The following ASIC2 variants were observed in gnomAD, a reference collection of about 807,000 sequenced individuals.
ASIC2 encodes acid-sensing ion channel 2.
Under a neutral mutation model 57.3 loss-of-function variants are expected in ASIC2, and 25 were observed. The observed-to-expected ratio is 0.44, with a 90% CI of 0.32 to 0.61. The LOEUF (loss-of-function observed/expected upper bound fraction) is 0.61. Among genes scored for constraint, ASIC2 ranks in the 20% least tolerant of loss-of-function variants. The pLI, the probability that ASIC2 is intolerant of heterozygous loss-of-function variation, is 0.06. For missense variants in ASIC2, 641 were observed against 738.1 expected (o/e 0.87, Z 1.52); for synonymous variants, 319 against 307.5 (o/e 1.04, Z -0.39).
At chr17:33,507,492 A>G (rs746193620) in intron 1 of ASIC2, among the ~76,000 whole-genome samples, 2 of 152,250 alleles carry the variant, frequency 1.3e-5, no homozygotes, top group Non-Finnish European at 2.9e-5. Flanking sequence ...AAGGATCAGC[A>G]AACGATTTCT....
intron 1 of ASIC2, among the ~76,000 whole-genome samples, chr17:33,461,015 A>G (rs557574567): frequency 1.1e-4 from 17 of 152,304 alleles, no homozygotes; most frequent in Admixed American, 2.6e-4. Context: ...CCAGATGATA[A>G]TAGTCTGTTG....
At chr17:33,415,218 C>T (rs1267176500) in intron 1 of ASIC2, among the ~76,000 whole-genome samples, 1 of 152,200 alleles carries the variant, frequency 6.6e-6, no homozygotes, top group Non-Finnish European at 1.5e-5. Flanking sequence ...TTGGAATCTA[C>T]ACAGTATTGG....
intron 1 of ASIC2, among the ~76,000 whole-genome samples, chr17:33,921,398 G>T (rs950672535): frequency 1.6e-4 from 25 of 152,182 alleles, no homozygotes; most frequent in African/African-American, 5.8e-4. Flanking sequence ...TGTAATCATT[G>T]TTTTTAGTAG....
chr17:33,555,246 C>T (rs1379361873), intron 1 of ASIC2, among the ~76,000 whole-genome samples: 1 of 152,118 alleles, frequency 6.6e-6, no homozygotes, highest in East Asian at 1.9e-4. Context: ...GCTTTTGGTC[C>T]GCTGCTGATT....
intron 3 of ASIC2, among the ~76,000 whole-genome samples, chr17:33,035,034 A>G (rs1020581124): frequency 3.9e-5 from 6 of 151,970 alleles, no homozygotes; most frequent in Non-Finnish European, 8.8e-5. Flanking sequence ...CTCTTTATGT[A>G]TTATTTTAAT....
intron 1 of ASIC2, among the ~76,000 whole-genome samples, chr17:33,354,052 G>C (rs1259576435): frequency 6.6e-6 from 1 of 152,156 alleles, no homozygotes; most frequent in African/African-American, 2.4e-5. Flanking sequence ...GCGGGCAAGA[G>C]GGCATATGCA....
At chr17:34,036,066 T>C (rs574068305) in intron 1 of ASIC2, among the ~76,000 whole-genome samples, 1 of 152,104 alleles carries the variant, frequency 6.6e-6, no homozygotes, top group East Asian at 1.9e-4. Flanking sequence ...TAAAGACACA[T>C]GCACACATAT....
At chr17:33,393,701 G>T (rs1909979966) in intron 1 of ASIC2, among the ~76,000 whole-genome samples, 1 of 152,192 alleles carries the variant, frequency 6.6e-6, no homozygotes, top group African/African-American at 2.4e-5. Context: ...GGTGATCTAA[G>T]TTATGGCATC....
chr17:33,108,812 A>G (rs2092245489), intron 2 of ASIC2, among the ~76,000 whole-genome samples: 1 of 152,124 alleles, frequency 6.6e-6, no homozygotes, highest in Admixed American at 6.5e-5. Flanking sequence ...GAAAATGGGG[A>G]CAAGGAGTTC....
chr17:34,095,741 T>TCA (rs1555595901), intron 1 of ASIC2, among the ~76,000 whole-genome samples: 1 of 142,700 alleles, frequency 7.0e-6, no homozygotes, highest in Admixed American at 7.2e-5. Flanking sequence ...ATATATAATT[T>TCA]TATATATATA....
chr17:33,404,328 T>C (rs1395795378), intron 1 of ASIC2, among the ~76,000 whole-genome samples: 2 of 152,218 alleles, frequency 1.3e-5, no homozygotes, highest in African/African-American at 4.8e-5. Flanking sequence ...TTGTAGTATG[T>C]AAATTGTATC....
chr17:33,610,825 G>A (rs192698774), intron 1 of ASIC2, among the ~76,000 whole-genome samples: 1 of 152,274 alleles, frequency 6.6e-6, no homozygotes, highest in Admixed American at 6.5e-5. Flanking sequence ...AGCCCAGGAG[G>A]TCGAGGCTGC....
chr17:33,319,994 C>T (rs1906807029), intron 1 of ASIC2, among the ~76,000 whole-genome samples: 1 of 152,142 alleles, frequency 6.6e-6, no homozygotes, highest in South Asian at 2.1e-4. Context: ...ACCAAGCAAA[C>T]TCAGGGCCTC....
At chr17:33,563,031 C>T (rs1567651252) in intron 1 of ASIC2, among the ~76,000 whole-genome samples, 1 of 152,164 alleles carries the variant, frequency 6.6e-6, no homozygotes, top group Non-Finnish European at 1.5e-5. Context: ...GGAGCTGTTG[C>T]AGGGAGATTG....
At chr17:33,016,622 T>C (rs995607543) in intron 8 of ASIC2, among the ~76,000 whole-genome samples, 7 of 151,812 alleles carry the variant, frequency 4.6e-5, no homozygotes, top group African/African-American at 1.7e-4. Context: ...GGTTTTGGGG[T>C]CACTGTGCTG....
intron 1 of ASIC2, among the ~76,000 whole-genome samples, chr17:33,476,865 G>A (rs187524345): frequency 7.2e-5 from 11 of 152,176 alleles, no homozygotes; most frequent in Non-Finnish European, 1.2e-4. Flanking sequence ...TGGCATGCCC[G>A]TTCATGAGTG....
chr17:33,037,722 G>A (rs1420093280), intron 3 of ASIC2, among the ~76,000 whole-genome samples: 1 of 152,162 alleles, frequency 6.6e-6, no homozygotes, highest in Non-Finnish European at 1.5e-5. Flanking sequence ...TACGGAACGT[G>A]GGATGATAAT....
rs563058727 is a variant in ASIC2 at position 34,072,595 on chromosome 17, C to T, written c.555+83383G>A. Among the ~76,000 whole-genome samples, 9 of 152,190 alleles carry T rather than the reference C, an allele frequency of 5.9e-5. No individual in the cohort carries two copies. In the South Asian group the frequency reaches 1.9e-3, roughly 32 times the overall value. On this transcript the variant is annotated intron_variant, in intron 1 of 9. Transcript: ENST00000359872. ...TAACAAAATGAAAGTCACCCATAAC[C>T]CTCTACCTAGAGATGAATAAAAGTT...
chr17:33,613,102 T>G (rs1905466153), intron 1 of ASIC2, among the ~76,000 whole-genome samples: 1 of 152,146 alleles, frequency 6.6e-6, no homozygotes, highest in African/African-American at 2.4e-5. Context: ...TAAAACAAAA[T>G]GACAGTCACT....
Sources: gnomAD v4.1 joint callset for allele counts (sites outside exome capture counted in the v4.1 genomes callset) on GRCh38, gnomAD v4.1.1 for gene constraint, MANE v1.5 for transcripts, NCBI Gene and HGNC (gene_info 2026-07-23, HGNC 2026-07-21) for gene names.